The following SNRNP200 variants were observed in gnomAD, a reference collection of about 807,000 sequenced individuals.
SNRNP200 encodes U5 small nuclear ribonucleoprotein 200 kDa helicase.
Under a neutral mutation model 255.2 loss-of-function variants are expected in SNRNP200, and 66 were observed. That is an observed-to-expected ratio of 0.26 (90% CI 0.21 to 0.32). The LOEUF is 0.32. SNRNP200 is among the 10% of genes least tolerant of loss of function. The pLI, the probability that SNRNP200 is intolerant of heterozygous loss-of-function variation, is 1.00. For synonymous variants in SNRNP200, 939 were observed against 1,027.8 expected, an observed-to-expected ratio of 0.91 and a Z score of 1.65; for missense variants, 1,585 against 2,749.8, an observed-to-expected ratio of 0.58 and a Z score of 9.47.
intron 35 of SNRNP200, chr2:96,279,835 C>T: frequency 2.5e-6 from 1 of 396,788 alleles, no homozygotes; most frequent in Non-Finnish European, 4.7e-6. Context: ...CAAAATAACT[C>T]CCTATTCGAG....
intron 31 of SNRNP200, 119 bp from the exon 32 acceptor site, chr2:96,284,123 G>C (rs1296860856): frequency 6.8e-6 from 7 of 1,028,226 alleles, no homozygotes; most frequent in African/African-American, 3.2e-5. Context: ...TTCTAACTAG[G>C]AGCTCTCATG....
intron 16 of SNRNP200, among the ~76,000 whole-genome samples, chr2:96,292,134 C>T (rs1209957614): frequency 6.6e-6 from 1 of 152,192 alleles, no homozygotes; most frequent in Non-Finnish European, 1.5e-5. Context: ...ACTTCAACAT[C>T]CTATCTTGAA....
intron 12 of SNRNP200, 48 bp downstream of exon 12, chr2:96,296,885 A>G (rs373624475): frequency 5.6e-5 from 90 of 1,613,212 alleles, no homozygotes; most frequent in Non-Finnish European, 7.5e-5. Context: ...TGCAACGGAA[A>G]CTCCACACCA....
chr2:96,286,947 G>A lies in SNRNP200; in HGVS notation c.3639+59C>T, dbSNP rs745483741. 8.7e-5 allele frequency: 140 copies of A among 1,613,368 alleles called. No homozygotes were observed. Among genetic ancestry groups the A allele is most frequent in the Non-Finnish European group, 1.1e-4 (124 of 1,179,416 alleles). Reference sequence around the variant, plus strand: ...CTGAGTGCCTCCAATCCATCTCCTCGGCCCAGCAACGTAGACTGAGCACCT... The same window carrying A: ...CTGAGTGCCTCCAATCCATCTCCTCAGCCCAGCAACGTAGACTGAGCACCT... On this transcript the variant is annotated intron_variant, in intron 27 of 44. Transcript: ENST00000323853. This position sits in a 1 kb window ranked among gnomAD's most constrained non-coding sequence, Gnocchi z 4.8.
chr2:96,283,717 G>A lies in SNRNP200; in HGVS notation c.4585-4C>T, dbSNP rs370088514. On this transcript the variant is annotated splice_polypyrimidine_tract_variant and splice_region_variant and intron_variant, in intron 32 of 44. Transcript: ENST00000323853. This position sits in a 1 kb window ranked among gnomAD's most constrained non-coding sequence, Gnocchi z 4.7. ...GTGTATGGCTGATGTTGAAGCCCTG[G>A]CGACCGGGGAGAAGAAAAGACACCA... 8 of 1,613,940 alleles carry A rather than the reference G, an allele frequency of 5.0e-6. No individual in the cohort carries two copies. The highest frequency in any genetic ancestry group is 2.7e-5 in the African/African-American group (2 of 74,894).
intron 44 of SNRNP200, 42 bp downstream of exon 44, chr2:96,275,215 C>T (rs780709815): frequency 1.2e-6 from 2 of 1,613,930 alleles, no homozygotes; most frequent in Non-Finnish European, 1.7e-6. Context: ...CTCACCCTTC[C>T]CCCATGCCAG....
In SNRNP200 at chr2:96,283,990, C is replaced by T; in HGVS notation, c.4407G>A (p.Val1469=). Residue 1469 remains valine (V), a synonymous_variant, in exon 32 of 45, where the codon GTG becomes GTA. Transcript: ENST00000323853. The surrounding 1 kb of genome is among the most constrained non-coding windows in gnomAD (Gnocchi z 4.7). ...IGGENGPVLE[V]ICSRMRYISS... The stretch of plus-strand genomic sequence containing the variant: ...AGATGTAGCGCATTCGGGAGCAGAT[C>T]ACTTCTAAGACAGGCTGGAAAGAGG... 8.1e-7 allele frequency: 1 copy of T among 1,237,658 alleles called. No individual in the cohort carries two copies. Among genetic ancestry groups the T allele is most frequent in the Non-Finnish European group, 1.1e-6 (1 of 893,020 alleles). 76.7% of individuals were successfully genotyped at this position (1,237,658 alleles called of 1,614,324 possible).
At position 96,291,518 on chromosome 2, in the gene SNRNP200, C is replaced by T; in HGVS notation, c.2311-16G>A. ...GCTCTAGGTTCTGTGGAACAAAGAA[C>T]CGGGGATGAGGCGAGCCTTCCTGTA... is the stretch of plus-strand genomic sequence containing the variant. On this transcript the variant is annotated splice_polypyrimidine_tract_variant and intron_variant, in intron 17 of 44. Transcript: ENST00000323853. This position sits in a 1 kb window ranked among gnomAD's most constrained non-coding sequence, Gnocchi z 4.2. 1 of 1,552,104 alleles carries T rather than the reference C, an allele frequency of 6.4e-7. No individual in the cohort carries two copies. The highest frequency in any genetic ancestry group is 8.9e-7 in the Non-Finnish European group (1 of 1,123,682).
At position 96,288,932 on chromosome 2, in the gene SNRNP200, G is replaced by A. The variant is rs999639759; in HGVS notation, c.3174+105C>T. On this transcript the variant is annotated intron_variant, in intron 23 of 44. Coordinates refer to ENST00000323853, the MANE Select transcript of SNRNP200 (RefSeq NM_014014.5). ...GAAGGCTGCAAAAACTAGGAGAACT[G>A]AGCAGGAAACCACACATGAACCCAA... 1.1e-5 allele frequency: 12 copies of A among 1,142,642 alleles called. No individual in the cohort carries two copies. In the African/African-American group the frequency reaches 1.5e-4, roughly 15 times the overall value. The allele number at this position is 1,142,642 out of a possible 1,614,324, so 70.8% of individuals were successfully genotyped here.
Position 96,298,722 on chromosome 2 carries a change from C to G in SNRNP200, c.883-20G>C. 2 of 1,613,998 alleles carry G rather than the reference C, an allele frequency of 1.2e-6. No homozygotes were observed. Among genetic ancestry groups the G allele is most frequent in the Non-Finnish European group, 1.7e-6 (2 of 1,179,834 alleles). On this transcript the variant is annotated intron_variant, in intron 7 of 44. Transcript: ENST00000323853. ...GGCCGTCTGCAGAGAGCAGGTAACA[C>G]CACCATTAAGGCCAAAGCCATCTGC...
chr2:96,298,191 A>G (rs2063930657), intron 9 of SNRNP200, 93 bp downstream of exon 9: 6 of 1,574,642 alleles, frequency 3.8e-6, no homozygotes, highest in Non-Finnish European at 5.2e-6. Flanking sequence ...TACTTTTTCA[A>G]CTTCCACTTT....
chr2:96,285,062 C>T (rs891106537), intron 30 of SNRNP200, 118 bp downstream of exon 30: 6 of 1,295,378 alleles, frequency 4.6e-6, no homozygotes, highest in Non-Finnish European at 6.6e-6. Context: ...GGCAGCTTTT[C>T]TTTAATACAC....
Position 96,285,342 on chromosome 2 carries a change from T to C in SNRNP200, c.4004-2A>G. 2 of 1,614,016 alleles carry C rather than the reference T, an allele frequency of 1.2e-6. No homozygotes were observed. The highest frequency in any genetic ancestry group is 1.7e-6 in the Non-Finnish European group (2 of 1,179,986). On this transcript the variant is annotated splice_acceptor_variant, in intron 29 of 44. Transcript: ENST00000323853. LOFTEE classifies it high-confidence loss of function. ...CACTGTTGTATACAGTGTTAAACAC[T>C]GGAAACCAACAGAAAGAAGCAGTGT...
chr2:96,282,889 G>C (rs550671984), intron 34 of SNRNP200: 2 of 469,158 alleles, frequency 4.3e-6, no homozygotes. Flanking sequence ...TAATACACTT[G>C]GGGAGTCTGG....
chr2:96,301,820 A>G, intron 3 of SNRNP200, 104 bp from the exon 4 acceptor site: 3 of 1,121,944 alleles, frequency 2.7e-6, no homozygotes, highest in Non-Finnish European at 4.0e-6. Context: ...ACCTCTTCAA[A>G]ACCTGCCACA....
In SNRNP200 at chr2:96,297,300, A is replaced by G. The variant is rs2063922947; in HGVS notation, c.1377+63T>C. 2.5e-6 allele frequency: 4 copies of G among 1,601,380 alleles called. No individual in the cohort carries two copies. The Admixed American group carries it at 5.0e-5, about 20-fold the overall frequency. ...TATGAAACAAGGCTACATTTTGGTC[A>G]ATGGTTGAAATCCAAACCAGGAGGT... On this transcript the variant is annotated intron_variant, in intron 11 of 44. Transcript: ENST00000323853.
In SNRNP200 at chr2:96,279,436, G is replaced by A. The variant is rs1684723372; in HGVS notation, c.5133+15C>T. 1 of 1,538,380 alleles carries A rather than the reference G, an allele frequency of 6.5e-7. No individual in the cohort carries two copies. The highest frequency in any genetic ancestry group is 1.4e-5 in the African/African-American group (1 of 73,370). ...AGGCTACGGATCCAAGAGGCTCCAT[G>A]AGTCTAGGACTGACCTTCTTGGAGC... On this transcript the variant is annotated intron_variant, in intron 36 of 44. Transcript: ENST00000323853.
chr2:96,297,340 A>T, intron 11 of SNRNP200, 23 bp downstream of exon 11: 1 of 1,612,418 alleles, frequency 6.2e-7, no homozygotes, highest in African/African-American at 1.3e-5. Flanking sequence ...TGAGCAGAGA[A>T]CTGAAGAAAG....
chr2:96,287,235 G>A lies in SNRNP200; in HGVS notation c.3485-75C>T. The stretch of plus-strand genomic sequence containing the variant: ...CTGCAAACTGGGCCTGAGGGCCACT[G>A]TGGGAAAGGGGTAGGGTCTTCCCTT... On this transcript the variant is annotated intron_variant, in intron 26 of 44. Coordinates refer to ENST00000323853, the MANE Select transcript of SNRNP200 (RefSeq NM_014014.5). The surrounding 1 kb of genome is among the most constrained non-coding windows in gnomAD (Gnocchi z 5.7). 1.9e-6 allele frequency: 3 copies of A among 1,561,938 alleles called. No individual in the cohort carries two copies. The highest frequency in any genetic ancestry group is 2.2e-5 in the South Asian group (2 of 89,694).
Sources: allele counts gnomAD v4.1 joint callset (sites outside exome capture counted in the v4.1 genomes callset), GRCh38; gene constraint gnomAD v4.1.1; non-coding constraint Gnocchi (gnomAD v3.1); transcripts MANE v1.5; gene names NCBI Gene and HGNC (gene_info 2026-07-23, HGNC 2026-07-21).